PCDHGA1: variants seen among roughly 807,000 people sequenced by gnomAD.
The protein encoded by PCDHGA1 is protocadherin gamma subfamily A, 1.
PCDHGA1 carries 32 observed loss-of-function variants against 58.0 expected under a neutral mutation model. That is an observed-to-expected ratio of 0.55 (90% CI 0.42 to 0.74). PCDHGA1 has a LOEUF of 0.74. Ranked by LOEUF, PCDHGA1 falls within the 30% of genes least tolerant of loss-of-function variation. PCDHGA1 has a pLI of 0.00. For synonymous variants in PCDHGA1, 498 were observed against 501.1 expected (o/e 0.99, Z 0.08); for missense variants, 1,205 against 1,182.3 (o/e 1.02, Z -0.28).
At chr5:141,500,026 T>G (rs1297397353) in intron 2 of PCDHGA1, among the ~76,000 whole-genome samples, 1 of 151,974 alleles carries the variant, frequency 6.6e-6, no homozygotes, top group Non-Finnish European at 1.5e-5. Flanking sequence ...TATATTTGAG[T>G]GAGTGTCTCT....
At chr5:141,408,052 C>G in intron 1 of PCDHGA1, 1 of 1,283,102 alleles carries the variant, frequency 7.8e-7, no homozygotes, top group Non-Finnish European at 1.0e-6. Flanking sequence ...CACACAGAGC[C>G]TCCCGGCTGC....
In PCDHGA1 at chr5:141,370,028, G is replaced by A. The variant is rs549001136; in HGVS notation, c.2421+36923G>A. 2.6e-4 allele frequency among the ~76,000 whole-genome samples: 39 copies of A among 152,344 alleles called. No homozygotes were observed. In the South Asian group the frequency reaches 7.9e-3, roughly 31 times the overall value. On this transcript the variant is annotated intron_variant, in intron 1 of 3. Transcript: ENST00000517417. Reference sequence around the variant, plus strand: ...AAAGAAATAACAGACTAAAGATATAGTAAGTATATTTAATGTTTTTTAAAA... The same window carrying A: ...AAAGAAATAACAGACTAAAGATATAATAAGTATATTTAATGTTTTTTAAAA...
intron 1 of PCDHGA1, chr5:141,410,694 T>C: frequency 6.7e-7 from 1 of 1,493,788 alleles, no homozygotes; most frequent in Non-Finnish European, 8.9e-7. Context: ...TACTACTTTA[T>C]TTTCATATCT....
At chr5:141,393,334 C>A in intron 1 of PCDHGA1, 1 of 1,613,960 alleles carries the variant, frequency 6.2e-7, no homozygotes, top group Non-Finnish European at 8.5e-7. Flanking sequence ...CAGCTCAGCC[C>A]CAATCACCAC....
Position 141,503,989 on chromosome 5 carries a change from C to T in PCDHGA1, c.2481-1404C>T, listed in dbSNP as rs534696225. Among the ~76,000 whole-genome samples the T allele has an allele frequency of 2.6e-5, 4 of 152,312 alleles. No individual in the cohort carries two copies. The South Asian group carries it at 8.3e-4, about 32-fold the overall frequency. On this transcript the variant is annotated intron_variant, in intron 2 of 3. Transcript: ENST00000517417. ...CATGGTGCCAAACCCTTCTTCTTAC[C>T]TTACAGTCACTTAACTGTCTCTGCT...
At chr5:141,385,027 G>T (rs1487991378) in intron 1 of PCDHGA1, 3 of 1,614,036 alleles carry the variant, frequency 1.9e-6, no homozygotes, top group East Asian at 2.2e-5. Context: ...CTTCGTCCTC[G>T]TACTGCTGGC....
chr5:141,493,784 T>A lies in PCDHGA1; in HGVS notation c.2422-1023T>A, dbSNP rs1368708028. ...AGCCACTGGCAGTTCCGGAGCTTCC[T>A]TCTCCCTGGAGTAATCTGAGATACT... On this transcript the variant is annotated intron_variant, in intron 1 of 3. Coordinates refer to ENST00000517417, the MANE Select transcript of PCDHGA1 (RefSeq NM_018912.3). This position sits in a 1 kb window ranked among gnomAD's most constrained non-coding sequence, Gnocchi z 4.3. 1.3e-5 allele frequency among the ~76,000 whole-genome samples: 2 copies of A among 152,194 alleles called. No individual in the cohort carries two copies. Among genetic ancestry groups the A allele is most frequent in the Non-Finnish European group, 2.9e-5 (2 of 68,032 alleles).
At position 141,371,777 on chromosome 5, in the gene PCDHGA1, A is replaced by G. The variant is rs368442078; in HGVS notation, c.2421+38672A>G. On this transcript the variant is annotated intron_variant, in intron 1 of 3. Coordinates refer to ENST00000517417, the MANE Select transcript of PCDHGA1 (RefSeq NM_018912.3). ...ACCAGGCCTCCTACACCGTGCATGT[A>G]GCTGAGAACAATCCGCCTGGAGCCT... The G allele has an allele frequency of 9.9e-6, 16 of 1,613,872 alleles. No individual in the cohort carries two copies. In the African/African-American group the frequency reaches 1.7e-4, roughly 17 times the overall value.
In PCDHGA1 at chr5:141,477,486, C is replaced by T. The variant is rs1472326209; in HGVS notation, c.2422-17321C>T. On this transcript the variant is annotated intron_variant, in intron 1 of 3. Coordinates refer to ENST00000517417, the MANE Select transcript of PCDHGA1 (RefSeq NM_018912.3). This position sits in a 1 kb window ranked among gnomAD's most constrained non-coding sequence, Gnocchi z 4.9. ...GACATCAATGACAACCCTCCACAATCTTCTCAATCTTCCTACGACGTTTAC... is the reference window on the plus strand; with the variant it reads ...GACATCAATGACAACCCTCCACAATTTTCTCAATCTTCCTACGACGTTTAC... 6.2e-7 allele frequency: 1 copy of T among 1,614,052 alleles called. No individual in the cohort carries two copies. The highest frequency in any genetic ancestry group is 1.3e-5 in the African/African-American group (1 of 74,914).
At chr5:141,403,003 C>T in intron 1 of PCDHGA1, 3 of 1,613,970 alleles carry the variant, frequency 1.9e-6, no homozygotes, top group South Asian at 1.1e-5. Flanking sequence ...TCCTGCTATG[C>T]TCGCTCCTGG....
At chr5:141,365,961 G>T in intron 1 of PCDHGA1, 1 of 1,614,244 alleles carries the variant, frequency 6.2e-7, no homozygotes, top group Non-Finnish European at 8.5e-7. Context: ...CCACTTAGCA[G>T]CAACGTGTCG....
chr5:141,368,012 T>C (rs1301562712), intron 1 of PCDHGA1, among the ~76,000 whole-genome samples: 2 of 152,238 alleles, frequency 1.3e-5, no homozygotes, highest in Admixed American at 1.3e-4. Flanking sequence ...AATACTGGCC[T>C]ATGTGCCTCA....
rs774079222 is a variant in PCDHGA1, at chr5:141,491,314, C to G, written c.2422-3493C>G. On this transcript the variant is annotated intron_variant, in intron 1 of 3. Transcript: ENST00000517417. The surrounding 1 kb of genome is among the most constrained non-coding windows in gnomAD (Gnocchi z 6.9). ...CCCTCCTGAGCGTTCAGACCTTACC[C>G]TTTACCTCATTGTGGCTCTAGCGAC... is the stretch of plus-strand genomic sequence containing the variant. 6 of 1,614,064 alleles carry G rather than the reference C, an allele frequency of 3.7e-6. No individual in the cohort carries two copies. In the South Asian group the frequency reaches 5.5e-5, roughly 15 times the overall value.
chr5:141,467,993 C>A (rs984508296), intron 1 of PCDHGA1, among the ~76,000 whole-genome samples: 1 of 152,058 alleles, frequency 6.6e-6, no homozygotes, highest in Admixed American at 6.6e-5. Context: ...AACCACAATT[C>A]TTTCTTCCTC....
intron 1 of PCDHGA1, chr5:141,341,173 C>T: frequency 6.2e-7 from 1 of 1,614,226 alleles, no homozygotes; most frequent in Non-Finnish European, 8.5e-7. Flanking sequence ...GCTTGACAGG[C>T]ATGCAGAGCT....
chr5:141,369,471 A>T (rs1182179165), intron 1 of PCDHGA1, among the ~76,000 whole-genome samples: 1 of 152,168 alleles, frequency 6.6e-6, no homozygotes, highest in South Asian at 2.1e-4. Context: ...GTTCTAGCCC[A>T]GCCTGGGCAA....
chr5:141,385,212 C>T, intron 1 of PCDHGA1: 1 of 1,614,230 alleles, frequency 6.2e-7, no homozygotes, highest in Non-Finnish European at 8.5e-7. Context: ...TGATCTTCCC[C>T]CAGCCCAACT....
intron 1 of PCDHGA1, chr5:141,362,306 G>T (rs368350867): frequency 5.0e-6 from 8 of 1,613,932 alleles, no homozygotes; most frequent in Non-Finnish European, 5.9e-6. Context: ...TCAGATGCTT[G>T]GGACTGTTTT....
intron 1 of PCDHGA1, among the ~76,000 whole-genome samples, chr5:141,449,134 T>C (rs538592980): frequency 9.2e-4 from 140 of 152,242 alleles, no homozygotes; most frequent in Non-Finnish European, 1.8e-3. Context: ...AGAAATGGAA[T>C]TGAAATTGCT....
Sources: allele counts gnomAD v4.1 joint callset (sites outside exome capture counted in the v4.1 genomes callset), GRCh38; gene constraint gnomAD v4.1.1; non-coding constraint Gnocchi (gnomAD v3.1); transcripts MANE v1.5; gene names NCBI Gene and HGNC (gene_info 2026-07-23, HGNC 2026-07-21).